NELL1: variants seen among roughly 807,000 people sequenced by gnomAD.
NELL1 encodes the protein neural EGFL like 1.
NELL1 carries 76 observed loss-of-function variants against 107.4 expected under a neutral mutation model. That is an observed-to-expected ratio of 0.71 (90% CI 0.59 to 0.86). NELL1 has a LOEUF of 0.86. Among genes scored for constraint, NELL1 ranks in the 40% least tolerant of loss-of-function variants. NELL1 has a pLI of 0.00. For missense variants in NELL1, 1,024 were observed against 1,005.5 expected (o/e 1.02, Z -0.25); for synonymous variants, 353 against 341.2 (o/e 1.03, Z -0.38).
At chr11:21,432,626 T>C (rs1852994790) in intron 15 of NELL1, among the ~76,000 whole-genome samples, 1 of 152,188 alleles carries the variant, frequency 6.6e-6, no homozygotes, top group South Asian at 2.1e-4. Flanking sequence ...GGATTGGATC[T>C]TGTGTTAAGT....
chr11:20,934,014 A>G (rs929883953), intron 9 of NELL1, among the ~76,000 whole-genome samples: 1 of 152,136 alleles, frequency 6.6e-6, no homozygotes, highest in Non-Finnish European at 1.5e-5. Context: ...TTACATTTCT[A>G]ATCACCCTGA....
chr11:20,763,990 T>C (rs534663845), intron 2 of NELL1, among the ~76,000 whole-genome samples: 12 of 152,374 alleles, frequency 7.9e-5, no homozygotes, highest in Non-Finnish European at 1.6e-4. Context: ...CATTGTGCCA[T>C]GAGCTGCATT....
chr11:21,252,650 A>C (rs893013549), intron 14 of NELL1, among the ~76,000 whole-genome samples: 7 of 152,294 alleles, frequency 4.6e-5, no homozygotes, highest in Admixed American at 4.6e-4. Context: ...ATTGGGAATT[A>C]ATCAGAAATG....
chr11:20,804,040 T>C (rs1857332538), intron 3 of NELL1, among the ~76,000 whole-genome samples: 1 of 132,864 alleles, frequency 7.5e-6, no homozygotes, highest in Admixed American at 8.3e-5. Context: ...TACCTGATGA[T>C]TGTGTGAGTT....
At chr11:20,867,197 T>C (rs1327126988) in intron 4 of NELL1, among the ~76,000 whole-genome samples, 1 of 152,160 alleles carries the variant, frequency 6.6e-6, no homozygotes, top group Non-Finnish European at 1.5e-5. Context: ...GAAAGTAGAA[T>C]GAACAGAGGT....
chr11:21,229,843 GTTTT>G, intron 14 of NELL1, among the ~76,000 whole-genome samples: 1 of 152,262 alleles, frequency 6.6e-6, no homozygotes, highest in South Asian at 2.1e-4. Context: ...GAAACTTACA[GTTTT>G]AGCCTTGCTC....
chr11:21,343,346 A>G (rs1003570107), intron 14 of NELL1, among the ~76,000 whole-genome samples: 1 of 152,124 alleles, frequency 6.6e-6, no homozygotes, highest in Non-Finnish European at 1.5e-5. Flanking sequence ...TGGCTTGTGC[A>G]GGATCATCTG....
chr11:21,020,244 A>G (rs1348303698), intron 12 of NELL1, among the ~76,000 whole-genome samples: 2 of 152,262 alleles, frequency 1.3e-5, no homozygotes, highest in African/African-American at 4.8e-5. Flanking sequence ...ACAATAGCAT[A>G]CCAACACAAC....
chr11:20,832,850 G>A (rs1381304695), intron 3 of NELL1, among the ~76,000 whole-genome samples: 1 of 152,070 alleles, frequency 6.6e-6, no homozygotes, highest in East Asian at 1.9e-4. Flanking sequence ...ACTAGAACAC[G>A]TTTCCTACAA....
intron 15 of NELL1, among the ~76,000 whole-genome samples, chr11:21,500,677 G>T (rs988747516): frequency 2.6e-5 from 4 of 152,088 alleles, no homozygotes; most frequent in Admixed American, 1.3e-4. Flanking sequence ...CTTATTATTA[G>T]CAGTGACATA....
intron 7 of NELL1, among the ~76,000 whole-genome samples, chr11:20,920,135 C>T (rs751858008): frequency 6.6e-5 from 10 of 152,108 alleles, no homozygotes; most frequent in Non-Finnish European, 1.0e-4. Flanking sequence ...ATGGCTAATG[C>T]TGTTGTTATG....
At chr11:21,406,863 T>C (rs370619605) in intron 15 of NELL1, among the ~76,000 whole-genome samples, 1 of 152,176 alleles carries the variant, frequency 6.6e-6, no homozygotes, top group East Asian at 2.0e-4. Context: ...TTTTGAAATA[T>C]ACAGTAAATT....
intron 3 of NELL1, among the ~76,000 whole-genome samples, chr11:20,797,293 G>A (rs557146457): frequency 2.0e-5 from 3 of 151,774 alleles, no homozygotes; most frequent in South Asian, 2.1e-4. Flanking sequence ...GGCCGGGCGC[G>A]GTGGCTCGCG....
chr11:20,861,593 G>C (rs868061742), intron 4 of NELL1, among the ~76,000 whole-genome samples: 1 of 152,300 alleles, frequency 6.6e-6, no homozygotes, highest in South Asian at 2.1e-4. Context: ...GTGAGACCAC[G>C]GCAATTATCC....
At chr11:21,021,167 TA>T (rs1852691971) in intron 12 of NELL1, among the ~76,000 whole-genome samples, 1 of 151,562 alleles carries the variant, frequency 6.6e-6, no homozygotes. Flanking sequence ...ATATTTGCCT[TA>T]AGAGTTGAGA....
intron 12 of NELL1, among the ~76,000 whole-genome samples, chr11:20,976,170 C>A (rs1425646106): frequency 3.6e-4 from 38 of 106,976 alleles, no homozygotes; most frequent in South Asian, 8.9e-4. Flanking sequence ...CACATTATAT[C>A]TGTACATATA....
intron 19 of NELL1, 147 bp downstream of exon 19, chr11:21,573,556 ATG>A (rs1857154073): frequency 1.4e-6 from 1 of 703,342 alleles, no homozygotes; most frequent in Non-Finnish European, 2.4e-6. Flanking sequence ...GGAATTTAAT[ATG>A]TATGAATATT....
chr11:21,167,559 C>T (rs571409824), intron 13 of NELL1, among the ~76,000 whole-genome samples: 1 of 151,918 alleles, frequency 6.6e-6, no homozygotes, highest in South Asian at 2.1e-4. Context: ...TCTCTTAATC[C>T]TCCTAATCAT....
intron 9 of NELL1, among the ~76,000 whole-genome samples, chr11:20,935,972 T>C (rs1457498280): frequency 6.6e-6 from 1 of 151,718 alleles, no homozygotes; most frequent in African/African-American, 2.4e-5. Context: ...CATATTTGGG[T>C]GGGGAGTGAG....
Sources: gnomAD v4.1 joint callset for allele counts (sites outside exome capture counted in the v4.1 genomes callset) on GRCh38, gnomAD v4.1.1 for gene constraint, MANE v1.5 for transcripts, NCBI Gene and HGNC (gene_info 2026-07-23, HGNC 2026-07-21) for gene names.